The following STX17 variants were observed in gnomAD, a reference collection of about 807,000 sequenced individuals.
STX17 encodes syntaxin-17.
STX17 carries 29 observed loss-of-function variants against 35.9 expected under a neutral mutation model. The ratio of observed to expected loss-of-function variants is 0.81; its 90% CI spans 0.60 to 1.10. STX17 has a LOEUF of 1.10. STX17 is among the 50% of genes least tolerant of loss of function. The pLI is 0.00. For missense variants in STX17, 312 were observed against 352.3 expected (o/e 0.89, Z 0.92); for synonymous variants, 92 against 118.3 (o/e 0.78, Z 1.44).
intron 3 of STX17, among the ~76,000 whole-genome samples, chr9:99,941,690 A>T (rs2118433880): frequency 6.6e-6 from 1 of 152,284 alleles, no homozygotes; most frequent in African/African-American, 2.4e-5. Context: ...TTTTCTGTAT[A>T]ATTTTACTGC....
At chr9:99,923,768 C>T (rs1828935260) in intron 2 of STX17, among the ~76,000 whole-genome samples, 1 of 152,168 alleles carries the variant, frequency 6.6e-6, no homozygotes, top group South Asian at 2.1e-4. Context: ...CCCACGATCC[C>T]TTTTTGGGCT....
intron 1 of STX17, among the ~76,000 whole-genome samples, chr9:99,911,156 C>T (rs911865948): frequency 4.6e-5 from 7 of 152,102 alleles, no homozygotes; most frequent in African/African-American, 1.7e-4. Flanking sequence ...CTGCCTCAGC[C>T]TCCGGAGCAG....
intron 3 of STX17, among the ~76,000 whole-genome samples, chr9:99,944,889 C>T (rs555541790): frequency 3.0e-4 from 45 of 152,100 alleles, no homozygotes; most frequent in African/African-American, 1.1e-3. Context: ...CATTATTGGT[C>T]ATGAAATGTT....
Position 99,951,056 on chromosome 9 carries a change from A to C in STX17, c.190-4A>C, listed in dbSNP as rs954458057. ...GTGGCATTAATGATTTTTTTCTTTT[A>C]TAGCAACTCCGATCCAATATCCGAG... On this transcript the variant is annotated splice_region_variant and splice_polypyrimidine_tract_variant and intron_variant, in intron 3 of 7. Transcript: ENST00000259400. 3 of 1,592,770 alleles carry C rather than the reference A, an allele frequency of 1.9e-6. No homozygotes were observed. In the South Asian group the frequency reaches 3.4e-5, roughly 18 times the overall value.
chr9:99,948,668 T>C (rs1329504522), intron 3 of STX17, among the ~76,000 whole-genome samples: 2 of 152,202 alleles, frequency 1.3e-5, no homozygotes, highest in Non-Finnish European at 2.9e-5. Flanking sequence ...TCGATAACTT[T>C]AAGTGTTGAT....
chr9:99,923,583 A>G (rs1343432805), intron 2 of STX17, among the ~76,000 whole-genome samples: 2 of 152,210 alleles, frequency 1.3e-5, no homozygotes, highest in Admixed American at 6.5e-5. Flanking sequence ...AATCAGTTCA[A>G]CAGACCCTAG....
At chr9:99,936,620 A>G (rs1829241456) in intron 3 of STX17, among the ~76,000 whole-genome samples, 1 of 151,478 alleles carries the variant, frequency 6.6e-6, no homozygotes, top group Non-Finnish European at 1.5e-5. Context: ...TGGTTCCTTT[A>G]GGGTCTTTAG....
intron 7 of STX17, among the ~76,000 whole-genome samples, chr9:99,968,225 T>C (rs1339614828): frequency 6.6e-6 from 1 of 152,196 alleles, no homozygotes; most frequent in African/African-American, 2.4e-5. Context: ...GTCCACTCTT[T>C]GTAGCTCAGC....
intron 6 of STX17, among the ~76,000 whole-genome samples, chr9:99,963,730 C>T (rs1479860586): frequency 6.6e-6 from 1 of 152,162 alleles, no homozygotes; most frequent in Non-Finnish European, 1.5e-5. Flanking sequence ...CAGTCCCTTT[C>T]CAACTGCTGA....
At chr9:99,937,377 A>G (rs1829257946) in intron 3 of STX17, among the ~76,000 whole-genome samples, 1 of 152,186 alleles carries the variant, frequency 6.6e-6, no homozygotes, top group Non-Finnish European at 1.5e-5. Context: ...AAGGGCTCCA[A>G]TTACACATAT....
chr9:99,914,846 C>T (rs1324818899), intron 1 of STX17, among the ~76,000 whole-genome samples: 1 of 152,090 alleles, frequency 6.6e-6, no homozygotes, highest in Non-Finnish European at 1.5e-5. Context: ...TATATACATA[C>T]ATACCTACTT....
chr9:99,928,441 T>G (rs888431197), intron 2 of STX17, among the ~76,000 whole-genome samples: 1 of 152,156 alleles, frequency 6.6e-6, no homozygotes, highest in Admixed American at 6.5e-5. Flanking sequence ...ACACTGTTCT[T>G]TTCATTTTTT....
rs1554703607 is a variant in STX17 at position 99,968,659 on chromosome 9, A to T, written c.895A>T (p.Lys299Ter). The change falls in exon 8 of 8, where the codon AAG becomes TAG. Residue 299 changes from lysine to a stop codon, truncating the protein, a stop_gained. Transcript: ENST00000259400. LOFTEE classifies it high-confidence loss of function. ...TCCAGATCTTCCCAGCCAAACTGAC[A>T]AGAAATGCAGTTAAAAACCAAATTT... ...SCPDLPSQTD[K>*]KCS 6.2e-7 allele frequency: 1 copy of T among 1,613,616 alleles called. No homozygotes were observed. Among genetic ancestry groups the T allele is most frequent in the Non-Finnish European group, 8.5e-7 (1 of 1,179,740 alleles).
chr9:99,959,122 G>C (rs138594138), intron 4 of STX17, among the ~76,000 whole-genome samples: 1 of 152,160 alleles, frequency 6.6e-6, no homozygotes, highest in Non-Finnish European at 1.5e-5. Context: ...ATATAGGTAC[G>C]TCTCCTTGGA....
intron 6 of STX17, among the ~76,000 whole-genome samples, chr9:99,965,862 C>CAAACACATTT (rs1336257376): frequency 1.3e-5 from 2 of 152,118 alleles, no homozygotes; most frequent in African/African-American, 4.8e-5. Flanking sequence ...TCACACTTTG[C>CAAACACATTT]AAACACATTT....
intron 3 of STX17, among the ~76,000 whole-genome samples, chr9:99,944,207 G>T (rs2416942): frequency 6.6e-6 from 1 of 151,792 alleles, no homozygotes; most frequent in African/African-American, 2.4e-5. Flanking sequence ...AAAATTATTT[G>T]TCAATGAGGT....
intron 2 of STX17, among the ~76,000 whole-genome samples, chr9:99,918,423 A>C (rs1349714948): frequency 3.3e-5 from 5 of 151,960 alleles, no homozygotes; most frequent in Admixed American, 6.6e-5. Flanking sequence ...GATGTGAACA[A>C]CCATGTCTGG....
At chr9:99,948,745 C>T (rs1328397426) in intron 3 of STX17, among the ~76,000 whole-genome samples, 3 of 151,992 alleles carry the variant, frequency 2.0e-5, no homozygotes, top group Non-Finnish European at 4.4e-5. Context: ...AGATTTTATA[C>T]TTCAGTGGGT....
At position 99,928,824 on chromosome 9, in the gene STX17, A is replaced by G. The variant is rs1411496862; in HGVS notation, c.170A>G (p.Asn57Ser). The change falls in exon 3 of 8, where the codon AAT (asparagine) becomes AGT (serine). Residue 57 changes from asparagine (N) to serine (S), a missense_variant. Transcript: ENST00000259400. The part of the protein sequence containing the change: ...IWDKLHEEHI[N>S]AGRTVQQLRS... ...GACAAGTTGCATGAAGAGCATATCAATGCAGGACGTACAGTTCAGGTAAGG... is the reference window on the plus strand; with the variant it reads ...GACAAGTTGCATGAAGAGCATATCAGTGCAGGACGTACAGTTCAGGTAAGG... 1 of 1,613,484 alleles carries G rather than the reference A, an allele frequency of 6.2e-7. No individual in the cohort carries two copies. Among genetic ancestry groups the G allele is most frequent in the Non-Finnish European group, 8.5e-7 (1 of 1,179,700 alleles).
Sources: allele counts gnomAD v4.1 joint callset (sites outside exome capture counted in the v4.1 genomes callset), GRCh38; gene constraint gnomAD v4.1.1; transcripts MANE v1.5; gene names NCBI Gene and HGNC (gene_info 2026-07-23, HGNC 2026-07-21).